The following IFT52 variants were observed in gnomAD, a reference collection of about 807,000 sequenced individuals.
IFT52 encodes the protein intraflagellar transport 52.
Under a neutral mutation model 54.4 loss-of-function variants are expected in IFT52, and 44 were observed. That is an observed-to-expected ratio of 0.81 (90% confidence interval 0.63 to 1.04). The LOEUF is 1.04. IFT52 is among the 50% of genes least tolerant of loss of function. IFT52 has a pLI of 0.00. For synonymous variants in IFT52, 181 were observed against 185.3 expected (o/e 0.98, Z 0.19); for missense variants, 452 against 523.6 (o/e 0.86, Z 1.33).
chr20:43,627,521 C>T (rs1984817188), intron 10 of IFT52, among the ~76,000 whole-genome samples: 1 of 152,120 alleles, frequency 6.6e-6, no homozygotes, highest in Admixed American at 6.5e-5. Context: ...AGGAACAGAG[C>T]AGGGGCAAGG....
Position 43,607,171 on chromosome 20 carries a change from C to T in IFT52, c.485+2098C>T, listed in dbSNP as rs142158054. Among the ~76,000 whole-genome samples the T allele has an allele frequency of 7.4e-3, 1,106 of 149,244 alleles. 24 individuals are homozygous for T. The highest frequency in any genetic ancestry group is 0.025 in the African/African-American group (1,033 of 40,694). On this transcript the variant is annotated intron_variant, in intron 6 of 13. Coordinates refer to ENST00000373030, the MANE Select transcript of IFT52 (RefSeq NM_016004.5). ...CCCAGTAGGGGCAGCCGGGCAGAGG[C>T]GCCCCTCACCTCCTGGATGGGGCGG...
intron 12 of IFT52, among the ~76,000 whole-genome samples, chr20:43,641,790 G>A (rs1006471919): frequency 1.3e-5 from 2 of 151,442 alleles, no homozygotes; most frequent in Non-Finnish European, 2.9e-5. Flanking sequence ...CTTCACGCTC[G>A]GCTGTTTTGT....
intron 3 of IFT52, among the ~76,000 whole-genome samples, chr20:43,601,792 A>G (rs1982464843): frequency 1.3e-5 from 2 of 152,214 alleles, no homozygotes; most frequent in South Asian, 4.1e-4. Context: ...TTGAGAGGAA[A>G]TCAAAAGGAA....
At chr20:43,633,326 A>G (rs1366731014) in intron 10 of IFT52, among the ~76,000 whole-genome samples, 1 of 150,258 alleles carries the variant, frequency 6.7e-6, no homozygotes, top group Admixed American at 6.6e-5. Flanking sequence ...CTGGGCCACA[A>G]GAGCGAAACT....
At chr20:43,614,241 C>CTT (rs35499151) in intron 7 of IFT52, among the ~76,000 whole-genome samples, 7 of 144,060 alleles carry the variant, frequency 4.9e-5, no homozygotes, top group South Asian at 2.2e-4. Flanking sequence ...TGTATTATAA[C>CTT]TTTTTTTTTT....
At chr20:43,636,115 ACTC>A in intron 11 of IFT52, 102 bp downstream of exon 11, 1 of 1,082,514 alleles carries the variant, frequency 9.2e-7, no homozygotes, top group Non-Finnish European at 1.4e-6. Flanking sequence ...CATTTGTGGC[ACTC>A]CTTGTGGAGT....
At chr20:43,608,248 C>T (rs970360708) in intron 6 of IFT52, among the ~76,000 whole-genome samples, 4 of 152,138 alleles carry the variant, frequency 2.6e-5, no homozygotes, top group African/African-American at 9.7e-5. Context: ...CAGAGGTCTT[C>T]CAACAGATGG....
At chr20:43,622,668 A>C (rs1463358402) in intron 9 of IFT52, among the ~76,000 whole-genome samples, 5 of 147,544 alleles carry the variant, frequency 3.4e-5, no homozygotes, top group African/African-American at 9.8e-5. Context: ...TTATATGTAA[A>C]TATAAATATA....
In IFT52 at chr20:43,647,063, T is replaced by C; in HGVS notation, c.*80T>C. On this transcript the variant is annotated 3_prime_UTR_variant, in exon 14 of 14. Coordinates refer to ENST00000373030, the MANE Select transcript of IFT52 (RefSeq NM_016004.5). ...TTTCAAATTGTTTTTCAACTCCTTA[T>C]CAAAATTGTTTATACACTCTTTCCT... The C allele has an allele frequency of 7.9e-7, 1 of 1,261,786 alleles. No homozygotes were observed. Among genetic ancestry groups the C allele is most frequent in the East Asian group, 2.3e-5 (1 of 43,216 alleles). The allele number at this position is 1,261,786 out of a possible 1,614,324, so 78.2% of individuals were successfully genotyped here. A position where few individuals can be genotyped will look rare whatever the true frequency, so the allele number is the denominator to read the frequency against.
rs750983538 is a variant in IFT52 at position 43,637,154 on chromosome 20, C to T, written c.1021C>T (p.Pro341Ser). Reference sequence around the variant, plus strand: ...CTTTATTTCCTTTTAGGTTTTTCCTCCCAGTTTCCGGGAGTTACCACCTCC... The same window carrying T: ...CTTTATTTCCTTTTAGGTTTTTCCTTCCAGTTTCCGGGAGTTACCACCTCC... ...LPTLQPAVFP[P>S]SFRELPPPPL... Residue 341 changes from proline (P) to serine (S), a missense_variant, in exon 12 of 14, where the codon CCC (proline) becomes TCC (serine). Coordinates refer to ENST00000373030, the MANE Select transcript of IFT52 (RefSeq NM_016004.5). The T allele has an allele frequency of 2.5e-6, 4 of 1,609,418 alleles. No individual in the cohort carries two copies. The highest frequency in any genetic ancestry group is 2.2e-5 in the South Asian group (2 of 90,962).
At chr20:43,621,223 A>T (rs1381141647) in intron 9 of IFT52, among the ~76,000 whole-genome samples, 2 of 152,234 alleles carry the variant, frequency 1.3e-5, no homozygotes, top group African/African-American at 4.8e-5. Flanking sequence ...ATCTGCAGAA[A>T]AATACTTTTT....
At chr20:43,610,745 A>G (rs1983377346) in intron 6 of IFT52, among the ~76,000 whole-genome samples, 2 of 152,076 alleles carry the variant, frequency 1.3e-5, no homozygotes, top group African/African-American at 4.8e-5. Context: ...TCTCAAAAAA[A>G]AAAGAAAAAA....
At chr20:43,642,104 T>G (rs1302621277) in intron 12 of IFT52, 1 of 162,308 alleles carries the variant, frequency 6.2e-6, no homozygotes, top group Non-Finnish European at 1.3e-5. Flanking sequence ...AATACAATAT[T>G]GTTTTAGTAA....
intron 13 of IFT52, 69 bp from the exon 14 acceptor site, chr20:43,646,867 C>T (rs1986234236): frequency 4.1e-6 from 5 of 1,231,934 alleles, no homozygotes; most frequent in African/African-American, 3.0e-5. Context: ...AAGTCCAAAG[C>T]ACTGAAGAGT....
At chr20:43,641,399 C>T (rs560930242) in intron 12 of IFT52, among the ~76,000 whole-genome samples, 7 of 151,926 alleles carry the variant, frequency 4.6e-5, no homozygotes, top group East Asian at 2.0e-4. Context: ...CCACCACGCC[C>T]GGCTAATTTT....
rs11476775 is a variant in IFT52, at chr20:43,622,711, AT to A, written c.769-1175del. The stretch of plus-strand genomic sequence containing the variant: ...TTTATGTAAATATAAATATATACAT[AT>A]TTTTATGTAAATATAAATATATACA... On this transcript the variant is annotated intron_variant, in intron 9 of 13. Transcript: ENST00000373030. Among the ~76,000 whole-genome samples, 804 of 143,622 alleles carry A rather than the reference AT, an allele frequency of 5.6e-3. 12 individuals carry two copies. Among genetic ancestry groups the A allele is most frequent in the African/African-American group, 0.019 (721 of 37,604 alleles). 94.2% of individuals were successfully genotyped at this position (143,622 alleles called of 152,430 possible). A position where few individuals can be genotyped will look rare whatever the true frequency, so the allele number is the denominator to read the frequency against.
chr20:43,599,431 A>C (rs1982253443), intron 3 of IFT52, among the ~76,000 whole-genome samples: 1 of 152,190 alleles, frequency 6.6e-6, no homozygotes, highest in Non-Finnish European at 1.5e-5. Flanking sequence ...TTCGAGAGGC[A>C]AATTTGATGT....
At chr20:43,616,291 G>A (rs978654543) in intron 7 of IFT52, among the ~76,000 whole-genome samples, 11 of 152,186 alleles carry the variant, frequency 7.2e-5, no homozygotes, top group South Asian at 2.1e-4. Context: ...CAAATCACTT[G>A]AGGTCAGGAG....
chr20:43,640,509 G>A (rs927028051), intron 12 of IFT52, among the ~76,000 whole-genome samples: 2 of 151,968 alleles, frequency 1.3e-5, no homozygotes, highest in African/African-American at 2.4e-5. Flanking sequence ...ACTTTGATTC[G>A]GAATGTCCAT....
Sources: allele counts gnomAD v4.1 joint callset (sites outside exome capture counted in the v4.1 genomes callset), GRCh38; gene constraint gnomAD v4.1.1; transcripts MANE v1.5; gene names NCBI Gene and HGNC (gene_info 2026-07-23, HGNC 2026-07-21).